Variants in RCAN2 observed in about 807,000 individuals in gnomAD.
RCAN2 encodes calcipressin-2.
In RCAN2, 9 loss-of-function variants were observed where a neutral mutation model predicts 23.6. That is an observed-to-expected ratio of 0.38 (90% CI 0.23 to 0.67). RCAN2 has a LOEUF of 0.67. Among genes scored for constraint, RCAN2 ranks in the 30% least tolerant of loss-of-function variants. The pLI is 0.51. For missense variants in RCAN2, 273 were observed against 302.3 expected, an observed-to-expected ratio of 0.90 and a Z score of 0.72; for synonymous variants, 109 against 115.7, an observed-to-expected ratio of 0.94 and a Z score of 0.37.
At chr6:46,341,744 G>C (rs2150373139) in intron 2 of RCAN2, among the ~76,000 whole-genome samples, 1 of 152,332 alleles carries the variant, frequency 6.6e-6, no homozygotes, top group Non-Finnish European at 1.5e-5. Flanking sequence ...GTTGCAGTGA[G>C]CTGAGATCAT....
In RCAN2 at chr6:46,360,565, G is replaced by GCTTGATGTA. The variant is rs1764979073; in HGVS notation, c.225+96178_225+96186dup. Among the ~76,000 whole-genome samples, 9 of 149,540 alleles carry GCTTGATGTA rather than the reference G, an allele frequency of 6.0e-5. No individual in the cohort carries two copies. The South Asian group carries it at 1.9e-3, about 32-fold the overall frequency. On this transcript the variant is annotated intron_variant, in intron 2 of 4. Transcript: ENST00000371374. ...AAAAAAAAAAAAAAAAAAAAAGAGG[G>GCTTGATGTA]CTTGATGTAGATAAGAGAGGGAGAC...
At chr6:46,381,823 T>C (rs1046329892) in intron 2 of RCAN2, among the ~76,000 whole-genome samples, 1 of 152,126 alleles carries the variant, frequency 6.6e-6, no homozygotes, top group African/African-American at 2.4e-5. Flanking sequence ...TTAAAAAATC[T>C]TATCTGGTAA....
intron 2 of RCAN2, among the ~76,000 whole-genome samples, chr6:46,442,589 T>C (rs372141367): frequency 6.8e-4 from 103 of 152,316 alleles, no homozygotes; most frequent in African/African-American, 2.3e-3. Context: ...CAAGTACTCA[T>C]TTTTGCAAAT....
upstream of RCAN2, chr6:46,491,908 ATG>A (rs1474284518): frequency 6.6e-6 from 1 of 152,336 alleles, no homozygotes; most frequent in African/African-American, 2.4e-5. Context: ...AACTGAGGAA[ATG>A]TCGGGGAGCC....
intron 4 of RCAN2, among the ~76,000 whole-genome samples, chr6:46,244,311 C>G (rs1366246870): frequency 6.6e-6 from 1 of 152,170 alleles, no homozygotes; most frequent in East Asian, 1.9e-4. Context: ...TTTCCTTCCT[C>G]CCTCTTTCTT....
chr6:46,425,366 A>G (rs60987701), intron 2 of RCAN2, among the ~76,000 whole-genome samples: 6,657 of 152,266 alleles, frequency 0.044, 292 homozygotes, highest in South Asian at 0.13. Context: ...CTGTGCACCT[A>G]TGTGAGAATA....
intron 2 of RCAN2, among the ~76,000 whole-genome samples, chr6:46,356,855 C>G (rs1764846627): frequency 6.6e-6 from 1 of 152,148 alleles, no homozygotes; most frequent in Non-Finnish European, 1.5e-5. Context: ...TTATATTATA[C>G]CCATTCTACC....
intron 2 of RCAN2, among the ~76,000 whole-genome samples, chr6:46,288,849 C>G (rs892856539): frequency 4.6e-5 from 7 of 152,238 alleles, no homozygotes; most frequent in African/African-American, 2.4e-5. Flanking sequence ...AGGTCAGAAG[C>G]TGTGTCACTA....
intron 1 of RCAN2, among the ~76,000 whole-genome samples, chr6:46,464,498 A>G (rs1443165537): frequency 3.3e-5 from 5 of 152,080 alleles, no homozygotes; most frequent in Admixed American, 3.3e-4. Context: ...CCTTTTGCTC[A>G]TTTTTGTCCA....
intron 2 of RCAN2, among the ~76,000 whole-genome samples, chr6:46,294,400 T>A (rs1371098684): frequency 6.6e-6 from 1 of 152,290 alleles, no homozygotes. Flanking sequence ...AAGCAATTGG[T>A]AAAGTATATC....
intron 2 of RCAN2, among the ~76,000 whole-genome samples, chr6:46,343,757 G>A (rs924098351): frequency 6.6e-5 from 10 of 152,078 alleles, no homozygotes; most frequent in Admixed American, 1.3e-4. Context: ...GGTATCTACT[G>A]AAGAAAAAAC....
chr6:46,413,487 A>C (rs1373497881), intron 2 of RCAN2, among the ~76,000 whole-genome samples: 1 of 152,242 alleles, frequency 6.6e-6, no homozygotes, highest in Non-Finnish European at 1.5e-5. Flanking sequence ...CTCACTTGGA[A>C]GATATTGTTG....
At chr6:46,388,768 G>C (rs1401498159) in intron 2 of RCAN2, among the ~76,000 whole-genome samples, 1 of 152,074 alleles carries the variant, frequency 6.6e-6, no homozygotes, top group Non-Finnish European at 1.5e-5. Context: ...TGGACACAGG[G>C]AGGTGAACAT....
chr6:46,319,441 A>C (rs1763540170), intron 2 of RCAN2, among the ~76,000 whole-genome samples: 1 of 152,222 alleles, frequency 6.6e-6, no homozygotes, highest in South Asian at 2.1e-4. Context: ...TTTAGGTTAG[A>C]GGTAGCAACT....
chr6:46,458,617 T>C (rs950540570), intron 1 of RCAN2, among the ~76,000 whole-genome samples: 2 of 152,148 alleles, frequency 1.3e-5, no homozygotes, highest in Non-Finnish European at 2.9e-5. Flanking sequence ...GTACATGTTT[T>C]ATTAAATAAT....
At chr6:46,373,837 T>TCCCACTCCCTTC (rs2150390195) in intron 2 of RCAN2, among the ~76,000 whole-genome samples, 1 of 152,200 alleles carries the variant, frequency 6.6e-6, no homozygotes, top group African/African-American at 2.4e-5. Context: ...TACTCCTATC[T>TCCCACTCCCTTC]CCCACTCCCT....
intron 1 of RCAN2, among the ~76,000 whole-genome samples, chr6:46,487,144 G>T (rs563391028): frequency 3.9e-5 from 6 of 152,144 alleles, no homozygotes; most frequent in African/African-American, 9.7e-5. Context: ...CATAATAATA[G>T]AATCCAGTAT....
chr6:46,271,471 C>T (rs948671777), intron 2 of RCAN2, among the ~76,000 whole-genome samples: 4 of 152,112 alleles, frequency 2.6e-5, no homozygotes, highest in Non-Finnish European at 1.5e-5. Flanking sequence ...CGGAAACATC[C>T]AAAACAATGT....
At chr6:46,353,792 G>T (rs775349480) in intron 2 of RCAN2, among the ~76,000 whole-genome samples, 2 of 152,278 alleles carry the variant, frequency 1.3e-5, no homozygotes, top group Middle Eastern at 6.8e-3. Flanking sequence ...ACAGAGAACA[G>T]CAGTTGCTTA....
Sources: allele counts gnomAD v4.1 joint callset (sites outside exome capture counted in the v4.1 genomes callset), GRCh38; gene constraint gnomAD v4.1.1; transcripts MANE v1.5; gene names NCBI Gene and HGNC (gene_info 2026-07-23, HGNC 2026-07-21).